Variants in SPRY3 observed in about 807,000 individuals in gnomAD.
The protein encoded by SPRY3 is protein sprouty homolog 3.
In SPRY3, 15 loss-of-function variants were observed where a neutral mutation model predicts 20.2. The ratio of observed to expected loss-of-function variants is 0.74; its 90% CI spans 0.50 to 1.14. SPRY3 has a LOEUF of 1.14. Ranked by LOEUF, SPRY3 falls within the 50% of genes most tolerant of loss-of-function variation. The pLI is 0.00. For missense variants in SPRY3, 364 were observed against 363.9 expected, an observed-to-expected ratio of 1.00 and a Z score of 0.00; for synonymous variants, 143 against 136.5, an observed-to-expected ratio of 1.05 and a Z score of -0.33.
At chrX:155,713,718 C>T (rs1002320362) in intron 2 of SPRY3, among the ~76,000 whole-genome samples, 39 of 152,082 alleles carry the variant, frequency 2.6e-4, no homozygotes, top group East Asian at 7.7e-4. Context: ...GCTTCTTGTG[C>T]TTGAATGTTA....
intron 2 of SPRY3, among the ~76,000 whole-genome samples, chrX:155,765,832 A>C (rs1011456782): frequency 7.2e-5 from 11 of 152,176 alleles, no homozygotes; most frequent in Admixed American, 2.6e-4. Flanking sequence ...GAGCAAGAAC[A>C]ATTTCTTAAC....
chrX:155,667,197 T>A (rs1395905224), intron 2 of SPRY3, among the ~76,000 whole-genome samples: 2 of 110,966 alleles, frequency 1.8e-5, no homozygotes, highest in African/African-American at 6.5e-5. Flanking sequence ...GGACAATTCT[T>A]TTGAAAAAAT....
At chrX:155,616,356 C>G (rs782468875) in intron 1 of SPRY3, among the ~76,000 whole-genome samples, 2 of 110,148 alleles carry the variant, frequency 1.8e-5, no homozygotes, top group Non-Finnish European at 3.8e-5. Flanking sequence ...ACAGATCTAT[C>G]GTGGGTAATG....
At chrX:155,648,245 A>G (rs782055875) in intron 1 of SPRY3, among the ~76,000 whole-genome samples, 1 of 112,212 alleles carries the variant, frequency 8.9e-6, no homozygotes, top group Non-Finnish European at 1.9e-5. Context: ...CTCATTCTGT[A>G]GGTTGCTGGT....
intron 2 of SPRY3, among the ~76,000 whole-genome samples, chrX:155,729,944 G>A (rs948697879): frequency 1.3e-5 from 2 of 151,976 alleles, no homozygotes; most frequent in African/African-American, 4.8e-5. Context: ...CCAATAAATT[G>A]GAAAATCTAG....
At chrX:155,660,578 G>A (rs2068006567) in intron 2 of SPRY3, among the ~76,000 whole-genome samples, 1 of 111,290 alleles carries the variant, frequency 9.0e-6, no homozygotes, top group Admixed American at 9.5e-5. Context: ...TTTCTTTGTT[G>A]ATTTTCTGCC....
At chrX:155,687,815 C>T (rs191384023) in intron 2 of SPRY3, among the ~76,000 whole-genome samples, 2 of 111,774 alleles carry the variant, frequency 1.8e-5, no homozygotes, top group Non-Finnish European at 1.9e-5. Flanking sequence ...GAGTGATTGG[C>T]CAGACCTGTG....
chrX:155,746,093 T>A (rs992246921), intron 2 of SPRY3, among the ~76,000 whole-genome samples: 1 of 152,106 alleles, frequency 6.6e-6, no homozygotes, highest in African/African-American at 2.4e-5. Flanking sequence ...GTGCTATCAT[T>A]ATTTACATTT....
chrX:155,632,621 A>G (rs907965114), intron 1 of SPRY3, among the ~76,000 whole-genome samples: 9 of 111,585 alleles, frequency 8.1e-5, no homozygotes, highest in Non-Finnish European at 1.9e-5. Context: ...GACTGTGAAT[A>G]AGGTTCCAAA....
At chrX:155,731,730 A>G (rs1005474683) in intron 2 of SPRY3, among the ~76,000 whole-genome samples, 55 of 152,072 alleles carry the variant, frequency 3.6e-4, no homozygotes, top group Non-Finnish European at 3.7e-4. Context: ...AACCCAGAGA[A>G]TGGGAGAAAA....
intron 2 of SPRY3, among the ~76,000 whole-genome samples, chrX:155,735,221 A>G (rs902233325): frequency 2.0e-4 from 30 of 152,040 alleles, no homozygotes; most frequent in African/African-American, 7.0e-4. Flanking sequence ...AATACTTTGT[A>G]TGATTTTAAT....
chrX:155,766,293 G>A (rs1399083317), intron 2 of SPRY3, among the ~76,000 whole-genome samples: 6 of 152,090 alleles, frequency 3.9e-5, no homozygotes, highest in African/African-American at 1.4e-4. Context: ...TAACACATCT[G>A]AGAGAGGGTA....
At chrX:155,695,513 A>T (rs1224860235) in intron 2 of SPRY3, among the ~76,000 whole-genome samples, 1 of 110,537 alleles carries the variant, frequency 9.0e-6, no homozygotes, top group Non-Finnish European at 1.9e-5. Context: ...GCTTACATCA[A>T]ATTTGGAAAA....
chrX:155,752,306 C>A (rs1366485780), intron 2 of SPRY3, among the ~76,000 whole-genome samples: 4 of 150,222 alleles, frequency 2.7e-5, no homozygotes, highest in African/African-American at 9.8e-5. Flanking sequence ...ATGAAATCAT[C>A]AAAAGATAAG....
At chrX:155,748,633 T>C (rs777723684) in intron 2 of SPRY3, among the ~76,000 whole-genome samples, 1 of 151,930 alleles carries the variant, frequency 6.6e-6, no homozygotes, top group South Asian at 2.1e-4. Context: ...AAAGGAAGAA[T>C]TCTGACACTG....
intron 2 of SPRY3, among the ~76,000 whole-genome samples, chrX:155,725,963 T>C (rs2091094333): frequency 6.6e-6 from 1 of 152,332 alleles, no homozygotes; most frequent in Non-Finnish European, 1.5e-5. Flanking sequence ...TTTAGTGCTA[T>C]AAATTTCCCT....
chrX:155,660,947 C>A (rs1375664942), intron 2 of SPRY3, among the ~76,000 whole-genome samples: 1 of 111,356 alleles, frequency 9.0e-6, no homozygotes, highest in African/African-American at 3.3e-5. Flanking sequence ...TTGTAAGCAG[C>A]ATATTTTTGG....
chrX:155,723,029 A>C (rs1331074283), intron 2 of SPRY3, among the ~76,000 whole-genome samples: 1 of 149,642 alleles, frequency 6.7e-6, no homozygotes, highest in African/African-American at 2.5e-5. Context: ...GAGAACATGC[A>C]GTGTTTGGTT....
chrX:155,642,026 A>G (rs1308595291), intron 1 of SPRY3, among the ~76,000 whole-genome samples: 1 of 112,547 alleles, frequency 8.9e-6, no homozygotes, highest in Non-Finnish European at 1.9e-5. Flanking sequence ...GCAGAAAATG[A>G]GTTTCATAGC....
Sources: allele counts gnomAD v4.1 joint callset (sites outside exome capture counted in the v4.1 genomes callset), GRCh38; gene constraint gnomAD v4.1.1; transcripts MANE v1.5; gene names NCBI Gene and HGNC (gene_info 2026-07-23, HGNC 2026-07-21).